RABGAP1: variants seen among roughly 807,000 people sequenced by gnomAD.
RABGAP1 encodes the protein rab GTPase-activating protein 1.
Under a neutral mutation model 137.6 loss-of-function variants are expected in RABGAP1, and 23 were observed. The observed-to-expected ratio is 0.17, with a 90% CI of 0.12 to 0.24. RABGAP1 has a LOEUF of 0.24. Among genes scored for constraint, RABGAP1 ranks in the 10% least tolerant of loss-of-function variants. RABGAP1 has a pLI of 1.00. For missense variants in RABGAP1, 906 were observed against 1,275.8 expected (o/e 0.71, Z 4.42); for synonymous variants, 451 against 450.7 (o/e 1.00, Z -0.01).
intron 19 of RABGAP1, among the ~76,000 whole-genome samples, chr9:123,080,005 G>A (rs1392014481): frequency 6.6e-6 from 1 of 152,206 alleles, no homozygotes; most frequent in Non-Finnish European, 1.5e-5. Flanking sequence ...ACTGTTGAGT[G>A]TCTACCATGT....
intron 13 of RABGAP1, among the ~76,000 whole-genome samples, chr9:123,028,825 ATT>A (rs1202877762): frequency 6.6e-6 from 1 of 152,198 alleles, no homozygotes; most frequent in Non-Finnish European, 1.5e-5. Context: ...AAATTGGGCA[ATT>A]TAACATTCAT....
rs202090815 is a variant in RABGAP1, at chr9:122,945,147, C to CTTTTTT, written c.-50+4065_-50+4070dup. ...CACCATGTATACATCATAGCTGTTGCTTTTTTTTTTTTTTTTAGCATAAAC... is the reference window on the plus strand; with the variant it reads ...CACCATGTATACATCATAGCTGTTGCTTTTTTTTTTTTTTTTTTTTTTAGCATAAAC... On this transcript the variant is annotated intron_variant, in intron 1 of 25. Coordinates refer to ENST00000373647, the MANE Select transcript of RABGAP1 (RefSeq NM_012197.4). Among the ~76,000 whole-genome samples, 31 of 75,826 alleles carry CTTTTTT rather than the reference C, an allele frequency of 4.1e-4. 2 individuals are homozygous for CTTTTTT. The highest frequency in any genetic ancestry group is 0.014 in the Middle Eastern group (1 of 70). 49.7% of individuals were successfully genotyped at this position (75,826 alleles called of 152,430 possible).
intron 13 of RABGAP1, chr9:123,029,261 T>A: frequency 2.0e-6 from 1 of 495,160 alleles, no homozygotes; most frequent in Non-Finnish European, 3.6e-6. Flanking sequence ...GTTACATAAA[T>A]AAACTCACAT....
chr9:123,094,880 T>A (rs2035133257), intron 21 of RABGAP1, among the ~76,000 whole-genome samples: 1 of 152,212 alleles, frequency 6.6e-6, no homozygotes, highest in Non-Finnish European at 1.5e-5. Context: ...AAGTAATATA[T>A]CCATTTCATC....
chr9:122,972,970 T>G (rs1263325316), intron 2 of RABGAP1, among the ~76,000 whole-genome samples: 1 of 47,602 alleles, frequency 2.1e-5, no homozygotes, highest in Non-Finnish European at 4.5e-5. Flanking sequence ...GCCTATCTCT[T>G]TATATATTAA....
chr9:123,010,516 G>A lies in RABGAP1; in HGVS notation c.1537G>A (p.Asp513Asn). ...AGTGATACCTTCTCCTCCAGAAGAT[G>A]ATGAAGAGGAAGGTAAACTGTAGGG... is the stretch of plus-strand genomic sequence containing the variant. ...SSVIPSPPED[D>N]EEEDNDEPLL... The change falls in exon 11 of 26, where the codon GAT (aspartate) becomes AAT (asparagine). Residue 513 changes from aspartate to asparagine, a missense_variant. Asp to Asn is a conservative substitution (Grantham distance 23, BLOSUM62 1). Transcript: ENST00000373647. 1 of 1,613,450 alleles carries A rather than the reference G, an allele frequency of 6.2e-7. No individual in the cohort carries two copies. Among genetic ancestry groups the A allele is most frequent in the Non-Finnish European group, 8.5e-7 (1 of 1,179,532 alleles).
At chr9:122,972,978 T>TTA (rs11396562) in intron 2 of RABGAP1, among the ~76,000 whole-genome samples, 1 of 145,110 alleles carries the variant, frequency 6.9e-6, no homozygotes, top group African/African-American at 2.5e-5. Flanking sequence ...CTTTATATAT[T>TTA]AAAAAAAAAA....
chr9:122,984,979 C>CT (rs372539461), intron 3 of RABGAP1, among the ~76,000 whole-genome samples: 24 of 30,872 alleles, frequency 7.8e-4, no homozygotes, highest in Middle Eastern at 0.017. Flanking sequence ...CAGAGGGAGT[C>CT]TTTTTTTTTT....
chr9:123,074,058 G>C (rs966969058), intron 16 of RABGAP1, among the ~76,000 whole-genome samples: 1 of 152,166 alleles, frequency 6.6e-6, no homozygotes, highest in African/African-American at 2.4e-5. Context: ...CCAAATACTT[G>C]TCACCATTTT....
chr9:122,943,101 TGA>T (rs1833705698), intron 1 of RABGAP1, among the ~76,000 whole-genome samples: 1 of 92,786 alleles, frequency 1.1e-5, no homozygotes, highest in African/African-American at 4.5e-5. Context: ...TTTTTTTTTT[TGA>T]GACTGAGTTG....
intron 1 of RABGAP1, among the ~76,000 whole-genome samples, chr9:122,947,537 G>A (rs1198604124): frequency 2.0e-5 from 3 of 152,152 alleles, no homozygotes; most frequent in Admixed American, 2.0e-4. Flanking sequence ...ATGTTTTAAA[G>A]TTTTATTTTG....
At chr9:123,035,112 G>A (rs769282099) in intron 13 of RABGAP1, 62 of 1,613,660 alleles carry the variant, frequency 3.8e-5, no homozygotes, top group Non-Finnish European at 4.3e-5. Context: ...AGTGGTGTGC[G>A]GAGTCCTGGC....
intron 2 of RABGAP1, among the ~76,000 whole-genome samples, chr9:122,977,533 C>T (rs1835825646): frequency 6.6e-6 from 1 of 152,174 alleles, no homozygotes; most frequent in Non-Finnish European, 1.5e-5. Context: ...GAAACCCACC[C>T]CATCTCTACC....
chr9:123,053,564 A>G (rs1316314214), intron 13 of RABGAP1, among the ~76,000 whole-genome samples: 1 of 152,212 alleles, frequency 6.6e-6, no homozygotes, highest in Non-Finnish European at 1.5e-5. Flanking sequence ...TTAAAAGAAA[A>G]TGTAACCAAA....
intron 1 of RABGAP1, among the ~76,000 whole-genome samples, chr9:122,955,709 G>T (rs964206000): frequency 6.6e-6 from 1 of 152,036 alleles, no homozygotes; most frequent in African/African-American, 2.4e-5. Context: ...TAATACTCAG[G>T]GATTGTGTAG....
chr9:123,096,154 G>A lies in RABGAP1; in HGVS notation c.2629-1587G>A, dbSNP rs563798982. Among the ~76,000 whole-genome samples the A allele has an allele frequency of 4.3e-4, 65 of 150,206 alleles. No homozygotes were observed. The South Asian group carries it at 0.013, about 30-fold the overall frequency. On this transcript the variant is annotated intron_variant, in intron 21 of 25. Transcript: ENST00000373647. ...CGCTTCCTGAGAGAGCACAGTAGAA[G>A]GTTCTGTGACTCTAACTGTGCATTT...
At chr9:122,950,782 A>G (rs560409266) in intron 1 of RABGAP1, among the ~76,000 whole-genome samples, 42 of 152,356 alleles carry the variant, frequency 2.8e-4, no homozygotes, top group African/African-American at 7.2e-4. Flanking sequence ...AGACAGTGCT[A>G]GTGTTATCAG....
chr9:122,945,751 A>G (rs1308239071), intron 1 of RABGAP1, among the ~76,000 whole-genome samples: 1 of 152,164 alleles, frequency 6.6e-6, no homozygotes, highest in Non-Finnish European at 1.5e-5. Context: ...TAAATCTGGC[A>G]TTTCTGAAGG....
chr9:122,938,105 T>C (rs903358156), upstream of RABGAP1: 3 of 152,192 alleles, frequency 2.0e-5, no homozygotes, highest in Non-Finnish European at 4.4e-5. Flanking sequence ...ACCAGCAAAT[T>C]TGAATATATT....
Sources: gnomAD v4.1 joint callset for allele counts (sites outside exome capture counted in the v4.1 genomes callset) on GRCh38, gnomAD v4.1.1 for gene constraint, MANE v1.5 for transcripts, NCBI Gene and HGNC (gene_info 2026-07-23, HGNC 2026-07-21) for gene names.